Variants in MAP3K20 observed in about 807,000 individuals in gnomAD.
The protein encoded by MAP3K20 is HCCS-4.
A neutral mutation model predicts 85.7 loss-of-function variants in MAP3K20; 40 were observed. The ratio of observed to expected loss-of-function variants is 0.47; its 90% confidence interval spans 0.36 to 0.61. The LOEUF is 0.61. Ranked by LOEUF, MAP3K20 falls within the 20% of genes least tolerant of loss-of-function variation. MAP3K20 has a pLI of 0.00. For missense variants in MAP3K20, 817 were observed against 961.7 expected, an observed-to-expected ratio of 0.85 and a Z score of 1.99; for synonymous variants, 325 against 327.7, an observed-to-expected ratio of 0.99 and a Z score of 0.09.
At chr2:173,149,532 A>G (rs1237289859) in intron 2 of MAP3K20, among the ~76,000 whole-genome samples, 2 of 151,736 alleles carry the variant, frequency 1.3e-5, no homozygotes, top group Non-Finnish European at 2.9e-5. Flanking sequence ...AACCCTTATG[A>G]TCTAGTCAAT....
At chr2:173,115,962 C>T (rs376358239) in intron 2 of MAP3K20, among the ~76,000 whole-genome samples, 2 of 150,104 alleles carry the variant, frequency 1.3e-5, no homozygotes, top group African/African-American at 4.9e-5. Flanking sequence ...GGCAGAAAGG[C>T]GAAGGGGAAG....
At chr2:173,203,403 C>G (rs1192204303) in intron 8 of MAP3K20, among the ~76,000 whole-genome samples, 1 of 152,144 alleles carries the variant, frequency 6.6e-6, no homozygotes, top group African/African-American at 2.4e-5. Flanking sequence ...ACTGCCAAAG[C>G]TAAACTGGTT....
chr2:173,087,783 A>G (rs1559225279), intron 1 of MAP3K20, among the ~76,000 whole-genome samples: 1 of 152,226 alleles, frequency 6.6e-6, no homozygotes. Context: ...CAATCAAGAC[A>G]TTTTAAGATA....
intron 8 of MAP3K20, among the ~76,000 whole-genome samples, chr2:173,199,245 A>G (rs1690953715): frequency 6.6e-6 from 1 of 152,244 alleles, no homozygotes; most frequent in Non-Finnish European, 1.5e-5. Context: ...TTTAGATCAC[A>G]TAATCCAGAG....
intron 16 of MAP3K20, among the ~76,000 whole-genome samples, chr2:173,257,426 C>CT (rs1685186233): frequency 6.6e-6 from 1 of 152,094 alleles, no homozygotes; most frequent in Non-Finnish European, 1.5e-5. Flanking sequence ...TTAGGTTGTT[C>CT]TTTTTTTCTG....
chr2:173,250,174 C>T (rs1685011190), intron 16 of MAP3K20, among the ~76,000 whole-genome samples: 2 of 152,194 alleles, frequency 1.3e-5, no homozygotes, highest in Non-Finnish European at 2.9e-5. Flanking sequence ...CTACTCTAAG[C>T]TTGTTTGAGA....
chr2:173,114,936 A>G (rs1333555281), intron 2 of MAP3K20, among the ~76,000 whole-genome samples: 1 of 152,176 alleles, frequency 6.6e-6, no homozygotes, highest in African/African-American at 2.4e-5. Context: ...TGCTTCTTGT[A>G]TTTGAATGTC....
intron 16 of MAP3K20, among the ~76,000 whole-genome samples, chr2:173,253,433 G>A (rs993224527): frequency 6.6e-6 from 1 of 152,102 alleles, no homozygotes; most frequent in African/African-American, 2.4e-5. Flanking sequence ...GACAAAACTG[G>A]AATTCAGGCC....
intron 2 of MAP3K20, among the ~76,000 whole-genome samples, chr2:173,099,622 T>G (rs1043592324): frequency 6.6e-6 from 1 of 152,222 alleles, no homozygotes. Context: ...CTTCCCTGTC[T>G]GGGCAGATCC....
chr2:173,086,265 C>T (rs914125301), intron 1 of MAP3K20, among the ~76,000 whole-genome samples: 2 of 152,100 alleles, frequency 1.3e-5, no homozygotes, highest in Admixed American at 6.6e-5. Flanking sequence ...TTCCCCAACA[C>T]GCTTTAAATA....
At chr2:173,112,294 T>C (rs1574024323) in intron 2 of MAP3K20, among the ~76,000 whole-genome samples, 1 of 152,162 alleles carries the variant, frequency 6.6e-6, no homozygotes, top group African/African-American at 2.4e-5. Flanking sequence ...TTGTCAGTTC[T>C]AGGAGCTTTC....
At position 173,232,461 on chromosome 2, in the gene MAP3K20, T is replaced by C. The variant is rs1220395415; in HGVS notation, c.1203+2T>C. ...AAGGGGCATATCATTCACTTCAAGG[T>C]ACCTGAGAAAGGGACAACATTCCAT... On this transcript the variant is annotated splice_donor_variant, in intron 14 of 19. Transcript: ENST00000375213. LOFTEE classifies it high-confidence loss of function. The C allele has an allele frequency of 6.2e-7, 1 of 1,610,722 alleles. No individual in the cohort carries two copies. The highest frequency in any genetic ancestry group is 1.3e-5 in the African/African-American group (1 of 74,702).
intron 8 of MAP3K20, among the ~76,000 whole-genome samples, chr2:173,202,795 CTGT>C (rs758669794): frequency 2.6e-5 from 4 of 152,248 alleles, no homozygotes; most frequent in South Asian, 4.1e-4. Context: ...GGGAGTAGCA[CTGT>C]TGTTGTTATG....
intron 16 of MAP3K20, among the ~76,000 whole-genome samples, chr2:173,251,991 A>G (rs1685051032): frequency 6.6e-6 from 1 of 152,210 alleles, no homozygotes; most frequent in South Asian, 2.1e-4. Context: ...AAATAGAGAG[A>G]GAGAGAGAGA....
intron 2 of MAP3K20, among the ~76,000 whole-genome samples, chr2:173,108,064 A>T (rs1311999284): frequency 1.3e-5 from 2 of 152,176 alleles, no homozygotes; most frequent in African/African-American, 4.8e-5. Flanking sequence ...TTTTTAAAAA[A>T]ATTTTCTCAC....
intron 9 of MAP3K20, among the ~76,000 whole-genome samples, chr2:173,209,227 T>C (rs917654344): frequency 6.6e-6 from 1 of 152,212 alleles, no homozygotes; most frequent in African/African-American, 2.4e-5. Context: ...ACAAACCAAT[T>C]TGGAAAATTT....
At chr2:173,077,324 C>T (rs948107403) in intron 1 of MAP3K20, among the ~76,000 whole-genome samples, 3 of 147,844 alleles carry the variant, frequency 2.0e-5, no homozygotes, top group African/African-American at 7.4e-5. Flanking sequence ...TAGTTAATGT[C>T]CTCTTTGTAG....
At position 173,075,869 on chromosome 2, in the gene MAP3K20, C is replaced by T. The variant is rs1042007848; in HGVS notation, c.-168C>T. 1.0e-5 allele frequency: 10 copies of T among 985,108 alleles called. No individual in the cohort carries two copies. The highest frequency in any genetic ancestry group is 4.7e-5 in the South Asian group (1 of 21,294). The allele number at this position is 985,108 out of a possible 1,614,324, so 61.0% of individuals were successfully genotyped here. ...TCCTCATTGGCGCCGTGCAGAGAGG[C>T]GGAATGTTCAACTCCTAACTGCAGC... is the stretch of plus-strand genomic sequence containing the variant. On this transcript the variant is annotated 5_prime_UTR_variant, in exon 1 of 20. Coordinates refer to ENST00000375213, the MANE Select transcript of MAP3K20 (RefSeq NM_016653.3).
intron 11 of MAP3K20, chr2:173,226,316 G>A: frequency 1.0e-6 from 1 of 984,502 alleles, no homozygotes; most frequent in Non-Finnish European, 1.2e-6. Context: ...AACTTATTCT[G>A]AGTTAAATAT....
Sources: gnomAD v4.1 joint callset for allele counts (sites outside exome capture counted in the v4.1 genomes callset) on GRCh38, gnomAD v4.1.1 for gene constraint, MANE v1.5 for transcripts, NCBI Gene and HGNC (gene_info 2026-07-23, HGNC 2026-07-21) for gene names.